The following EHD2 variants were observed in gnomAD, a reference collection of about 807,000 sequenced individuals.
EHD2 encodes EH domain containing 2.
In EHD2, 27 loss-of-function variants were observed where a neutral mutation model predicts 41.0. That is an observed-to-expected ratio of 0.66 (90% CI 0.49 to 0.91). EHD2 has a LOEUF of 0.91. Among genes scored for constraint, EHD2 ranks in the 40% least tolerant of loss-of-function variants. The probability of loss-of-function intolerance (pLI) is 0.00; values close to 1 mark genes in which losing one functional copy is unlikely to be tolerated. For missense variants in EHD2, 673 were observed against 773.9 expected (o/e 0.87, Z 1.55); for synonymous variants, 342 against 341.0 (o/e 1.00, Z -0.03).
At chr19:47,738,975 G>C (rs1966953887) in intron 5 of EHD2, among the ~76,000 whole-genome samples, 1 of 152,162 alleles carries the variant, frequency 6.6e-6, no homozygotes, top group Non-Finnish European at 1.5e-5. Context: ...AGGAACCCCT[G>C]ATGATCTGAT....
chr19:47,731,167 C>T (rs915740493), intron 4 of EHD2, among the ~76,000 whole-genome samples: 23 of 148,774 alleles, frequency 1.5e-4, no homozygotes, highest in South Asian at 2.2e-4. Flanking sequence ...GAGAGCCTAA[C>T]GGGGCTGGAG....
chr19:47,727,860 GA>G (rs1039492269), intron 4 of EHD2, among the ~76,000 whole-genome samples: 1 of 152,068 alleles, frequency 6.6e-6, no homozygotes, highest in Non-Finnish European at 1.5e-5. Flanking sequence ...TTGGGAGGCC[GA>G]GGGGGGAGCA....
chr19:47,727,893 C>T (rs1341063249), intron 4 of EHD2, among the ~76,000 whole-genome samples: 6 of 151,824 alleles, frequency 4.0e-5, no homozygotes, highest in Non-Finnish European at 7.4e-5. Context: ...GTCAGGAGTT[C>T]GAGACCAGCC....
At chr19:47,723,197 G>C (rs887748171) in intron 3 of EHD2, among the ~76,000 whole-genome samples, 1 of 152,112 alleles carries the variant, frequency 6.6e-6, no homozygotes, top group African/African-American at 2.4e-5. Flanking sequence ...AGTGGGCTGA[G>C]AGATGTAAGG....
chr19:47,731,093 C>A (rs1366594968), intron 4 of EHD2, among the ~76,000 whole-genome samples: 1 of 150,318 alleles, frequency 6.7e-6, no homozygotes, highest in East Asian at 2.0e-4. Context: ...GAAGAGCAGT[C>A]CATGCAGTGA....
chr19:47,728,571 CT>C (rs761204748), intron 4 of EHD2, among the ~76,000 whole-genome samples: 1,479 of 131,042 alleles, frequency 0.011, 20 homozygotes, highest in African/African-American at 0.034. Context: ...TTCTTTCTTT[CT>C]TTTTTTTTTT....
At chr19:47,725,716 C>T in intron 3 of EHD2, 96 bp from the exon 4 acceptor site, 1 of 1,454,894 alleles carries the variant, frequency 6.9e-7, no homozygotes, top group Non-Finnish European at 9.2e-7. Context: ...TCTTTACAGT[C>T]CAATATGCAA....
chr19:47,739,398 C>A (rs1312773963), intron 5 of EHD2, among the ~76,000 whole-genome samples: 1 of 143,792 alleles, frequency 7.0e-6, no homozygotes, highest in Non-Finnish European at 1.5e-5. Flanking sequence ...GTCAGGAGTT[C>A]GAGACCAGCC....
chr19:47,721,051 G>T (rs777787609), intron 3 of EHD2, among the ~76,000 whole-genome samples: 1 of 152,074 alleles, frequency 6.6e-6, no homozygotes, highest in Admixed American at 6.6e-5. Flanking sequence ...CATTATCTTT[G>T]TGATTGTGTG....
In EHD2 at chr19:47,733,751, C is replaced by CAAAAAAAAAAAAAAAAA. The variant is rs34254815; in HGVS notation, c.916-2610_916-2594dup. ...TGGGTGACAGAGCAAGACTCTGTCT[C>CAAAAAAAAAAAAAAAAA]AAAAAAAAAAAAAAAAAAAAAAAAT... On this transcript the variant is annotated intron_variant, in intron 4 of 5. Transcript: ENST00000263277. Among the ~76,000 whole-genome samples, 50 of 57,120 alleles carry CAAAAAAAAAAAAAAAAA rather than the reference C, an allele frequency of 8.8e-4. 5 individuals carry two copies. Among genetic ancestry groups the CAAAAAAAAAAAAAAAAA allele is most frequent in the East Asian group, 2.4e-3 (3 of 1,226 alleles). 37.5% of individuals were successfully genotyped at this position (57,120 alleles called of 152,430 possible).
At chr19:47,722,009 A>AAC (rs201572396) in intron 3 of EHD2, among the ~76,000 whole-genome samples, 12,385 of 130,522 alleles carry the variant, frequency 0.095, 656 homozygotes, top group Non-Finnish European at 0.13. Context: ...AGAAAAACAA[A>AAC]ACACACACAC....
Position 47,741,214 on chromosome 19 carries a change from G to A in EHD2, c.1414G>A (p.Ala472Thr), listed in dbSNP as rs1966985008. 1.9e-6 allele frequency: 3 copies of A among 1,614,154 alleles called. No homozygotes were observed. The change falls in exon 6 of 6, where the codon GCC (alanine) becomes ACC (threonine). Residue 472 changes from alanine to threonine, a missense_variant. By Grantham distance (58) the Ala-to-Thr change is moderately conservative. Transcript: ENST00000263277. The surrounding 1 kb of genome is among the most constrained non-coding windows in gnomAD (Gnocchi z 4.5). ...CGACGGCAAGCTGAGCGGCTCCAAGGCCAAGACCTGGATGGTGGGGACCAA... is the reference window on the plus strand; with the variant it reads ...CGACGGCAAGCTGAGCGGCTCCAAGACCAAGACCTGGATGGTGGGGACCAA... Reference protein sequence around the residue: ...PADGKLSGSKAKTWMVGTKLP... With the variant: ...PADGKLSGSKTKTWMVGTKLP...
Position 47,741,399 on chromosome 19 carries a change from C to T in EHD2, c.1599C>T (p.Pro533=). ...PANLPRRLVP[P]SKRRHKGSAE ...ACCTGCCCCGTCGCCTGGTGCCACC[C>T]TCCAAGCGACGCCACAAGGGCTCCG... The change falls in exon 6 of 6, where the codon CCC becomes CCT. Residue 533 remains proline, a synonymous_variant. Coordinates refer to ENST00000263277, the MANE Select transcript of EHD2 (RefSeq NM_014601.4). The surrounding 1 kb of genome is among the most constrained non-coding windows in gnomAD (Gnocchi z 4.5). The T allele has an allele frequency of 6.3e-7, 1 of 1,595,292 alleles. No individual in the cohort carries two copies. The highest frequency in any genetic ancestry group is 8.5e-7 in the Non-Finnish European group (1 of 1,176,680).
At chr19:47,731,919 C>A (rs1966880112) in intron 4 of EHD2, 2 of 151,272 alleles carry the variant, frequency 1.3e-5, no homozygotes, top group South Asian at 4.2e-4. Context: ...TCCCGAGTAG[C>A]TGGGACTACA....
At chr19:47,740,318 G>A (rs1270397634) in intron 5 of EHD2, among the ~76,000 whole-genome samples, 1 of 151,988 alleles carries the variant, frequency 6.6e-6, no homozygotes, top group Non-Finnish European at 1.5e-5. Context: ...GTGTGCCTGT[G>A]GTCCCAGCTA....
In EHD2 at chr19:47,735,903, C is replaced by T. The variant is rs545575941; in HGVS notation, c.916-466C>T. On this transcript the variant is annotated intron_variant, in intron 4 of 5. Coordinates refer to ENST00000263277, the MANE Select transcript of EHD2 (RefSeq NM_014601.4). ...TGGGCAACAGAGCGAGACTCTGTCTCGAAAAAAAAAAAGACTGGGCACGGT... is the reference window on the plus strand; with the variant it reads ...TGGGCAACAGAGCGAGACTCTGTCTTGAAAAAAAAAAAGACTGGGCACGGT... 1.6e-3 allele frequency among the ~76,000 whole-genome samples: 79 copies of T among 49,480 alleles called. 1 individual carries two copies. Among genetic ancestry groups the T allele is most frequent in the Middle Eastern group, 0.011 (1 of 90 alleles). 32.5% of individuals were successfully genotyped at this position (49,480 alleles called of 152,430 possible). A position where few individuals can be genotyped will look rare whatever the true frequency, so the allele number is the denominator to read the frequency against.
chr19:47,729,868 CTCTT>C (rs1392491459), intron 4 of EHD2, among the ~76,000 whole-genome samples: 1 of 152,096 alleles, frequency 6.6e-6, no homozygotes, highest in African/African-American at 2.4e-5. Flanking sequence ...CTCTCTCAGT[CTCTT>C]TCTTCTCCAT....
At chr19:47,716,519 C>G (rs1973626092) in intron 1 of EHD2, 39 bp from the exon 2 acceptor site, 1 of 1,390,792 alleles carries the variant, frequency 7.2e-7, no homozygotes, top group South Asian at 1.6e-5. Context: ...TCCTCCTTGG[C>G]TGGGCCGCCT....
chr19:47,736,794 T>G (rs144282836), intron 5 of EHD2, among the ~76,000 whole-genome samples: 1 of 152,336 alleles, frequency 6.6e-6, no homozygotes, highest in Non-Finnish European at 1.5e-5. Flanking sequence ...GATCCAGGAC[T>G]GGTTTGGTGC....
Sources: allele counts gnomAD v4.1 joint callset (sites outside exome capture counted in the v4.1 genomes callset), GRCh38; gene constraint gnomAD v4.1.1; non-coding constraint Gnocchi (gnomAD v3.1); transcripts MANE v1.5; gene names NCBI Gene and HGNC (gene_info 2026-07-23, HGNC 2026-07-21).